The following RGS6 variants were observed in gnomAD, a reference collection of about 807,000 sequenced individuals.
RGS6 encodes the protein regulator of G protein signaling 6, also known as regulator of G-protein signaling 6.
A neutral mutation model predicts 78.5 loss-of-function variants in RGS6; 30 were observed. The observed-to-expected ratio is 0.38, with a 90% CI of 0.29 to 0.52. The LOEUF is 0.52. Among genes scored for constraint, RGS6 ranks in the 20% least tolerant of loss-of-function variants. RGS6 has a pLI of 0.85. For synonymous variants in RGS6, 206 were observed against 206.0 expected (o/e 1.00, Z 0.00); for missense variants, 495 against 609.7 (o/e 0.81, Z 1.98).
intron 3 of RGS6, among the ~76,000 whole-genome samples, chr14:72,355,296 C>T (rs139487942): frequency 0.024 from 3,672 of 151,700 alleles, 170 homozygotes; most frequent in African/African-American, 0.084. Flanking sequence ...TGGGTTCAAG[C>T]GATTCTCCTG....
chr14:72,618,176 T>C, the RGS6 span, among the ~76,000 whole-genome samples: 1 of 152,194 alleles, frequency 6.6e-6, no homozygotes, highest in Non-Finnish European at 1.5e-5. Flanking sequence ...CATGTCACCC[T>C]AATTATTTGT....
At chr14:72,071,955 G>A (rs2094422787) in intron 2 of RGS6, among the ~76,000 whole-genome samples, 1 of 152,146 alleles carries the variant, frequency 6.6e-6, no homozygotes, top group South Asian at 2.1e-4. Context: ...TGTTCTCAGT[G>A]CCATATTTAA....
intron 3 of RGS6, among the ~76,000 whole-genome samples, chr14:72,429,951 GCCTTGTGAAGAAGGTA>G (rs2094562132): frequency 6.6e-6 from 1 of 152,108 alleles, no homozygotes; most frequent in South Asian, 2.1e-4. Context: ...CCTTCCTGCC[GCCTTGTGAAGAAGGTA>G]CCTTGCTTCT....
In RGS6 at chr14:72,192,505, AG is replaced by A. The variant is rs200743271; in HGVS notation, c.85-159588del. ...TTCTAGGCCCCAACCTCACTCTCTC[AG>A]GAGAAGGTCCTGGAGGAGATTCCCC... On this transcript the variant is annotated intron_variant, in intron 2 of 17. Coordinates refer to ENST00000553525, the MANE Select transcript of RGS6 (RefSeq NM_001204424.2). Among the ~76,000 whole-genome samples, 529 of 152,266 alleles carry A rather than the reference AG, an allele frequency of 3.5e-3. 5 individuals carry two copies. The highest frequency in any genetic ancestry group is 0.012 in the African/African-American group (501 of 41,556).
intron 2 of RGS6, among the ~76,000 whole-genome samples, chr14:71,981,253 C>A (rs1431105064): frequency 6.6e-6 from 1 of 152,102 alleles, no homozygotes; most frequent in African/African-American, 2.4e-5. Flanking sequence ...AAGCCTTCTT[C>A]TCTCAGCTCA....
intron 2 of RGS6, among the ~76,000 whole-genome samples, chr14:72,130,557 C>T (rs565387045): frequency 6.6e-6 from 1 of 152,280 alleles, no homozygotes; most frequent in South Asian, 2.1e-4. Context: ...AAAGATGTTC[C>T]TGTCACTCAG....
intron 2 of RGS6, among the ~76,000 whole-genome samples, chr14:72,337,790 A>T (rs1410829233): frequency 6.6e-6 from 1 of 152,202 alleles, no homozygotes; most frequent in Non-Finnish European, 1.5e-5. Flanking sequence ...TGCTCTCCCA[A>T]GGGGAATAAG....
the RGS6 span, among the ~76,000 whole-genome samples, chr14:71,899,210 C>A: frequency 6.6e-6 from 1 of 152,132 alleles, no homozygotes; most frequent in Admixed American, 6.5e-5. Context: ...AAAATCAACA[C>A]CAAAATATAA....
At chr14:72,605,979 T>G in the RGS6 span, among the ~76,000 whole-genome samples, 1 of 151,670 alleles carries the variant, frequency 6.6e-6, no homozygotes, top group Non-Finnish European at 1.5e-5. Context: ...TGGTCACTGG[T>G]TTGAGTTGAA....
intron 2 of RGS6, among the ~76,000 whole-genome samples, chr14:72,201,220 A>C (rs1002085261): frequency 6.6e-6 from 1 of 152,218 alleles, no homozygotes; most frequent in African/African-American, 2.4e-5. Flanking sequence ...GTATGTTCAC[A>C]TATATCAGGA....
intron 2 of RGS6, among the ~76,000 whole-genome samples, chr14:72,350,704 C>T (rs1197876626): frequency 3.3e-5 from 5 of 152,182 alleles, no homozygotes; most frequent in Admixed American, 2.6e-4. Flanking sequence ...AGAGAAATAA[C>T]CTTTGTGCTA....
chr14:72,261,860 T>C lies in RGS6; in HGVS notation c.85-90235T>C, dbSNP rs544066125. Among the ~76,000 whole-genome samples, 54 of 152,348 alleles carry C rather than the reference T, an allele frequency of 3.5e-4. 1 individual carries two copies. The South Asian group carries it at 0.011, about 30-fold the overall frequency. On this transcript the variant is annotated intron_variant, in intron 2 of 17. Transcript: ENST00000553525. The stretch of plus-strand genomic sequence containing the variant: ...AGTTGAATTAAAGCAAATTACTTGG[T>C]TAATTAATGTCAAAGGTGACTCTGT...
intron 2 of RGS6, among the ~76,000 whole-genome samples, chr14:72,345,644 T>A (rs2077885862): frequency 6.6e-6 from 1 of 152,292 alleles, no homozygotes; most frequent in South Asian, 2.1e-4. Flanking sequence ...CAACACAGCC[T>A]TAACTGTAAG....
chr14:72,385,881 C>A (rs774515581), intron 3 of RGS6, among the ~76,000 whole-genome samples: 1 of 152,164 alleles, frequency 6.6e-6, no homozygotes, highest in African/African-American at 2.4e-5. Context: ...ATCTGGTACA[C>A]TTTTAGTCAT....
intron 2 of RGS6, among the ~76,000 whole-genome samples, chr14:71,999,614 G>A (rs567743210): frequency 4.6e-5 from 5 of 108,620 alleles, no homozygotes; most frequent in African/African-American, 1.4e-4. Context: ...GATGGTGGGG[G>A]TGGATCCTTC....
chr14:72,099,044 A>G (rs190216909), intron 2 of RGS6, among the ~76,000 whole-genome samples: 1 of 152,330 alleles, frequency 6.6e-6, no homozygotes, highest in Non-Finnish European at 1.5e-5. Context: ...CAAGGATCGA[A>G]CAGTCTGTTT....
chr14:72,337,170 A>G (rs890482879), intron 2 of RGS6, among the ~76,000 whole-genome samples: 3 of 152,026 alleles, frequency 2.0e-5, no homozygotes, highest in African/African-American at 7.2e-5. Flanking sequence ...CCATTAGGAA[A>G]GTTTCCCATG....
At chr14:71,871,819 A>G in the RGS6 span, among the ~76,000 whole-genome samples, 1 of 152,194 alleles carries the variant, frequency 6.6e-6, no homozygotes, top group Non-Finnish European at 1.5e-5. Context: ...GAATCTAGCC[A>G]ACAGCATTCT....
chr14:72,562,712 C>T lies in RGS6; in HGVS notation c.*245C>T. 6.5e-7 allele frequency: 1 copy of T among 1,536,184 alleles called. No individual in the cohort carries two copies. Reference sequence around the variant, plus strand: ...TGTTTACAGCCCTCTCTTCTTTGTACAGTTGTATTCCAACACTCCACTCGC... The same window carrying T: ...TGTTTACAGCCCTCTCTTCTTTGTATAGTTGTATTCCAACACTCCACTCGC... On this transcript the variant is annotated 3_prime_UTR_variant, in exon 18 of 18. Coordinates refer to ENST00000553525, the MANE Select transcript of RGS6 (RefSeq NM_001204424.2).
Sources: gnomAD v4.1 joint callset for allele counts (sites outside exome capture counted in the v4.1 genomes callset) on GRCh38, gnomAD v4.1.1 for gene constraint, MANE v1.5 for transcripts, NCBI Gene and HGNC (gene_info 2026-07-23, HGNC 2026-07-21) for gene names.